Variants in CHRNA7 observed in about 807,000 individuals in gnomAD.
CHRNA7 encodes neuronal acetylcholine receptor subunit alpha-7.
In CHRNA7, 17 loss-of-function variants were observed where a neutral mutation model predicts 48.0. The ratio of observed to expected loss-of-function variants is 0.35; its 90% confidence interval spans 0.24 to 0.53. The LOEUF (loss-of-function observed/expected upper bound fraction) is 0.53. Ranked by LOEUF, CHRNA7 falls within the 20% of genes least tolerant of loss-of-function variation. The pLI is 0.92. For synonymous variants in CHRNA7, 75 were observed against 242.3 expected (o/e 0.31, Z 6.41); for missense variants, 155 against 577.7 (o/e 0.27, Z 7.50).
Position 32,101,356 on chromosome 15 carries a change from A to C in CHRNA7, c.240+9A>C, listed in dbSNP as rs575300184. ...ACATTTGGCTGCAAATGGTAAGTTA[A>C]GAGAATGACAATCTCTCCCATGGGC... On this transcript the variant is annotated intron_variant, in intron 3 of 9. Transcript: ENST00000306901. 7.5e-6 allele frequency: 12 copies of C among 1,590,690 alleles called. No homozygotes were observed. The Admixed American group carries it at 2.2e-4, about 29-fold the overall frequency.
intron 4 of CHRNA7, among the ~76,000 whole-genome samples, chr15:32,138,726 C>CTGTTTTGTTT (rs1212817087): frequency 8.2e-5 from 6 of 73,454 alleles, no homozygotes; most frequent in East Asian, 1.1e-3. Flanking sequence ...AGCCATTGAC[C>CTGTTTTGTTT]TGTTATGTTT....
intron 2 of CHRNA7, among the ~76,000 whole-genome samples, chr15:32,055,710 T>G (rs542092052): frequency 1.3e-5 from 2 of 152,292 alleles, no homozygotes; most frequent in East Asian, 3.9e-4. Context: ...CCAGGCGTGG[T>G]GGCTCATGCC....
intron 4 of CHRNA7, among the ~76,000 whole-genome samples, chr15:32,117,828 C>G (rs749105250): frequency 2.6e-5 from 4 of 152,094 alleles, no homozygotes; most frequent in Admixed American, 2.0e-4. Flanking sequence ...TCAGCCTAAC[C>G]GAGATTGGCC....
Position 32,149,581 on chromosome 15 carries a change from A to G in CHRNA7, c.351-4326A>G, listed in dbSNP as rs892451362. On this transcript the variant is annotated intron_variant, in intron 4 of 9. Transcript: ENST00000306901. The surrounding 1 kb of genome is among the most constrained non-coding windows in gnomAD (Gnocchi z 4.6). The stretch of plus-strand genomic sequence containing the variant: ...AAATCCATTACAAGAGTTTACTTTT[A>G]TACTATGTACTTATAAAATCAATTT... Among the ~76,000 whole-genome samples the G allele has an allele frequency of 6.6e-6, 1 of 152,248 alleles. No individual in the cohort carries two copies. Among genetic ancestry groups the G allele is most frequent in the Non-Finnish European group, 1.5e-5 (1 of 68,032 alleles).
intron 2 of CHRNA7, among the ~76,000 whole-genome samples, chr15:32,047,635 C>T (rs1291221983): frequency 6.6e-6 from 1 of 152,068 alleles, no homozygotes; most frequent in East Asian, 1.9e-4. Context: ...AATTTGACTT[C>T]CTCTTTTCCT....
chr15:32,118,302 A>G (rs968475897), intron 4 of CHRNA7, among the ~76,000 whole-genome samples: 5 of 152,226 alleles, frequency 3.3e-5, no homozygotes, highest in African/African-American at 1.2e-4. Context: ...TCTTTTCTTT[A>G]TAAATTACCC....
intron 4 of CHRNA7, among the ~76,000 whole-genome samples, chr15:32,137,321 G>T (rs2051288092): frequency 1.4e-5 from 1 of 69,196 alleles, no homozygotes; most frequent in Non-Finnish European, 3.0e-5. Context: ...AATGTGAGTG[G>T]CTATGTTTAC....
chr15:32,041,882 T>TA (rs554674393), intron 2 of CHRNA7, among the ~76,000 whole-genome samples: 18 of 152,368 alleles, frequency 1.2e-4, no homozygotes, highest in Non-Finnish European at 2.2e-4. Flanking sequence ...TCTCTGTGCT[T>TA]ACATTGTTTA....
intron 2 of CHRNA7, among the ~76,000 whole-genome samples, chr15:32,075,028 A>G (rs1432645970): frequency 6.6e-6 from 1 of 151,996 alleles, no homozygotes; most frequent in Non-Finnish European, 1.5e-5. Context: ...ATATTGATTG[A>G]TTTTCAAATA....
At chr15:32,085,961 A>G (rs1318951261) in intron 2 of CHRNA7, among the ~76,000 whole-genome samples, 1 of 152,084 alleles carries the variant, frequency 6.6e-6, no homozygotes, top group Non-Finnish European at 1.5e-5. Flanking sequence ...TACTTTTAAG[A>G]TATTCTTTTT....
Position 32,149,319 on chromosome 15 carries a change from C to T in CHRNA7, c.351-4588C>T, listed in dbSNP as rs2051567333. 2.0e-5 allele frequency among the ~76,000 whole-genome samples: 3 copies of T among 152,312 alleles called. No homozygotes were observed. Among genetic ancestry groups the T allele is most frequent in the East Asian group, 1.9e-4 (1 of 5,164 alleles). On this transcript the variant is annotated intron_variant, in intron 4 of 9. Coordinates refer to ENST00000306901, the MANE Select transcript of CHRNA7 (RefSeq NM_000746.6). The surrounding 1 kb of genome is among the most constrained non-coding windows in gnomAD (Gnocchi z 4.6). ...GGGTGTTTGCCAGCACAGGGCTGCC[C>T]AGCACTGGTGAGGGGGTCACTGTTG...
chr15:32,149,150 G>A lies in CHRNA7; in HGVS notation c.351-4757G>A, dbSNP rs184894928. Among the ~76,000 whole-genome samples, 1 of 152,246 alleles carries A rather than the reference G, an allele frequency of 6.6e-6. No individual in the cohort carries two copies. The highest frequency in any genetic ancestry group is 1.5e-5 in the Non-Finnish European group (1 of 68,044). On this transcript the variant is annotated intron_variant, in intron 4 of 9. Transcript: ENST00000306901. This position sits in a 1 kb window ranked among gnomAD's most constrained non-coding sequence, Gnocchi z 4.6. Reference sequence around the variant, plus strand: ...CCACAGGCCGGCATCTTCACAAACTGTGGATGTACTGTGTCTTCCAGTAGT... The same window carrying A: ...CCACAGGCCGGCATCTTCACAAACTATGGATGTACTGTGTCTTCCAGTAGT...
At chr15:32,034,129 A>G (rs1566791027) in intron 2 of CHRNA7, among the ~76,000 whole-genome samples, 1 of 152,240 alleles carries the variant, frequency 6.6e-6, no homozygotes, top group South Asian at 2.1e-4. Context: ...ACAAAGTGCT[A>G]GAAAACATTG....
intron 2 of CHRNA7, among the ~76,000 whole-genome samples, chr15:32,039,024 A>G (rs569373366): frequency 6.6e-6 from 1 of 152,168 alleles, no homozygotes; most frequent in South Asian, 2.1e-4. Context: ...AGTCCATTTT[A>G]TCTAGGTTAT....
intron 3 of CHRNA7, among the ~76,000 whole-genome samples, chr15:32,105,482 AAAG>A (rs1375669847): frequency 8.0e-5 from 11 of 137,140 alleles, no homozygotes; most frequent in African/African-American, 3.2e-4. Context: ...GGAGAGGAGG[AAAG>A]GAGGAGGAGA....
chr15:32,136,451 A>T (rs1359018395), intron 4 of CHRNA7, among the ~76,000 whole-genome samples: 3 of 150,578 alleles, frequency 2.0e-5, no homozygotes, highest in African/African-American at 7.3e-5. Flanking sequence ...AGATAGCACC[A>T]CTGCACTCCA....
intron 4 of CHRNA7, among the ~76,000 whole-genome samples, chr15:32,139,325 T>C (rs1251828738): frequency 1.3e-5 from 2 of 152,242 alleles, no homozygotes; most frequent in South Asian, 2.1e-4. Flanking sequence ...TATCAACATA[T>C]GTATGTAGGT....
chr15:32,094,750 T>C (rs1330504010), intron 2 of CHRNA7, among the ~76,000 whole-genome samples: 1 of 151,934 alleles, frequency 6.6e-6, no homozygotes, highest in African/African-American at 2.4e-5. Flanking sequence ...AAGCTCCGCC[T>C]CCCAGGTTCG....
At chr15:32,098,795 G>C (rs999883072) in intron 2 of CHRNA7, 1 of 150,144 alleles carries the variant, frequency 6.7e-6, no homozygotes, top group Non-Finnish European at 1.5e-5. Flanking sequence ...CGTGATCCTT[G>C]TTACCATTTG....
Sources: gnomAD v4.1 joint callset for allele counts (sites outside exome capture counted in the v4.1 genomes callset) on GRCh38, gnomAD v4.1.1 for gene constraint, Gnocchi (gnomAD v3.1) non-coding constraint, MANE v1.5 for transcripts, NCBI Gene and HGNC (gene_info 2026-07-23, HGNC 2026-07-21) for gene names.